The following AKT1 variants were observed in gnomAD, a reference collection of about 807,000 sequenced individuals.
AKT1 encodes the protein AKT serine/threonine kinase 1.
AKT1 carries 21 observed loss-of-function variants against 63.1 expected under a neutral mutation model. The ratio of observed to expected loss-of-function variants is 0.33; its 90% confidence interval spans 0.24 to 0.48. The LOEUF (loss-of-function observed/expected upper bound fraction) is 0.48. AKT1 is among the 20% of genes least tolerant of loss of function. The pLI is 0.99. For missense variants in AKT1, 382 were observed against 666.0 expected (o/e 0.57, Z 4.69); for synonymous variants, 257 against 253.1 (o/e 1.02, Z -0.15).
intron 3 of AKT1, among the ~76,000 whole-genome samples, chr14:104,787,441 G>A (rs1893392196): frequency 6.6e-6 from 1 of 152,172 alleles, no homozygotes; most frequent in Non-Finnish European, 1.5e-5. Context: ...GGCCTGGGGA[G>A]CAGGCCCAGA....
At chr14:104,785,277 C>T (rs1893275837) in intron 3 of AKT1, among the ~76,000 whole-genome samples, 1 of 152,174 alleles carries the variant, frequency 6.6e-6, no homozygotes, top group African/African-American at 2.4e-5. Flanking sequence ...TCTGCCCGGG[C>T]CCGGGAGTAC....
At chr14:104,774,253 A>G (rs1892584433) in intron 8 of AKT1, 1 of 500,220 alleles carries the variant, frequency 2.0e-6, no homozygotes, top group Admixed American at 3.2e-5. Flanking sequence ...GCCCCACACC[A>G]CACTGCCTCA....
At chr14:104,774,199 CCCA>C (rs1892577864) in intron 8 of AKT1, 3 of 583,986 alleles carry the variant, frequency 5.1e-6, no homozygotes, top group East Asian at 2.9e-5. Context: ...ACCATACACC[CCCA>C]CATCACACTG....
chr14:104,780,298 C>A (rs2140951166), intron 3 of AKT1, 82 bp from the exon 4 acceptor site: 1 of 1,555,700 alleles, frequency 6.4e-7, no homozygotes, highest in Non-Finnish European at 8.7e-7. Context: ...ACTGGGTGTG[C>A]CAGGACAGAT....
In AKT1 at chr14:104,773,035, T is replaced by C; in HGVS notation, c.1015A>G (p.Met339Val). 6.2e-7 allele frequency: 1 copy of C among 1,614,140 alleles called. No individual in the cohort carries two copies. Among genetic ancestry groups the C allele is most frequent in the Non-Finnish European group, 8.5e-7 (1 of 1,180,014 alleles). ...AVDWWGLGVV[M>V]YEMMCGRLPF... The stretch of plus-strand genomic sequence containing the variant: ...AGGCGACCGCACATCATCTCGTACA[T>C]GACCACGCCCAGCCCCCACCAGTCC... Residue 339 changes from methionine to valine, a missense_variant, in exon 12 of 15, where the codon ATG becomes GTG. Met to Val is a conservative substitution (Grantham distance 21). Transcript: ENST00000649815.
chr14:104,772,565 G>T, intron 12 of AKT1, 113 bp from the exon 13 acceptor site: 1 of 1,076,286 alleles, frequency 9.3e-7, no homozygotes. Context: ...TCCGGGGCCA[G>T]GGAGGGGAGC....
intron 13 of AKT1, chr14:104,771,789 G>C: frequency 4.2e-6 from 1 of 237,658 alleles, no homozygotes. Context: ...CCCATCAGCT[G>C]GGGTGATGGC....
At chr14:104,791,003 C>A (rs1309283280) in intron 3 of AKT1, among the ~76,000 whole-genome samples, 2 of 152,186 alleles carry the variant, frequency 1.3e-5, no homozygotes, top group Admixed American at 6.5e-5. Context: ...CTGCCAGGCC[C>A]CTCCTGAAGG....
In AKT1 at chr14:104,774,764, C is replaced by T. The variant is rs769482989; in HGVS notation, c.633+174G>A. On this transcript the variant is annotated intron_variant, in intron 8 of 14. Transcript: ENST00000649815. ...AGCAGCGAGCACAGCCCCTAGCCCACACTGGGCACCTCCACAGCCTGACCC... is the reference window on the plus strand; with the variant it reads ...AGCAGCGAGCACAGCCCCTAGCCCATACTGGGCACCTCCACAGCCTGACCC... 9 of 717,106 alleles carry T rather than the reference C, an allele frequency of 1.3e-5. No homozygotes were observed. In the East Asian group the frequency reaches 1.6e-4, roughly 13 times the overall value. 44.4% of individuals were successfully genotyped at this position (717,106 alleles called of 1,614,324 possible). A position where few individuals can be genotyped will look rare whatever the true frequency, so the allele number is the denominator to read the frequency against.
chr14:104,782,779 G>T (rs1334627175), intron 3 of AKT1, among the ~76,000 whole-genome samples: 1 of 152,164 alleles, frequency 6.6e-6, no homozygotes, highest in Non-Finnish European at 1.5e-5. Flanking sequence ...CCAGCACACA[G>T]ACCCCTCCAG....
intron 14 of AKT1, 97 bp from the exon 15 acceptor site, chr14:104,770,517 C>T: frequency 8.1e-7 from 1 of 1,235,488 alleles, no homozygotes; most frequent in Middle Eastern, 2.7e-4. Context: ...AAAGCACGGC[C>T]AGCACGCTGC....
chr14:104,785,988 C>A lies in AKT1; in HGVS notation c.47-5772G>T, dbSNP rs534114029. ...CCACCTGGGCCTGGATGTCCTCCCCCACAGGCACTGCCCGTCACCCACCCC... is the reference window on the plus strand; with the variant it reads ...CCACCTGGGCCTGGATGTCCTCCCCAACAGGCACTGCCCGTCACCCACCCC... On this transcript the variant is annotated intron_variant, in intron 3 of 14. Transcript: ENST00000649815. Among the ~76,000 whole-genome samples, 30 of 152,226 alleles carry A rather than the reference C, an allele frequency of 2.0e-4. 1 individual carries two copies. The highest frequency in any genetic ancestry group is 6.5e-4 in the African/African-American group (27 of 41,532).
At position 104,780,233 on chromosome 14, in the gene AKT1, G is replaced by A. The variant is rs2140950289; in HGVS notation, c.47-17C>T. The A allele has an allele frequency of 6.2e-7, 1 of 1,612,288 alleles. No homozygotes were observed. The highest frequency in any genetic ancestry group is 1.1e-5 in the South Asian group (1 of 90,958). ...TGTACTCCCCTACAGACGTGCGGGT[G>A]GTGAGAGCCACGCACACTCTACCCG... On this transcript the variant is annotated splice_polypyrimidine_tract_variant and intron_variant, in intron 3 of 14. Coordinates refer to ENST00000649815, the MANE Select transcript of AKT1 (RefSeq NM_001382430.1).
At position 104,770,123 on chromosome 14, in the gene AKT1, A is replaced by C. The variant is rs1025741767; in HGVS notation, c.*218T>G. On this transcript the variant is annotated 3_prime_UTR_variant, in exon 15 of 15. Coordinates refer to ENST00000649815, the MANE Select transcript of AKT1 (RefSeq NM_001382430.1). ...AGGCCACACCCGGAGAACAAACTGGATGAAATAAATTAAAACCCGCAGGAT... is the reference window on the plus strand; with the variant it reads ...AGGCCACACCCGGAGAACAAACTGGCTGAAATAAATTAAAACCCGCAGGAT... The C allele has an allele frequency of 3.3e-6, 2 of 603,042 alleles. No individual in the cohort carries two copies. Among genetic ancestry groups the C allele is most frequent in the Non-Finnish European group, 5.9e-6 (2 of 337,228 alleles). The allele number at this position is 603,042 out of a possible 1,614,324, so 37.4% of individuals were successfully genotyped here. A position where few individuals can be genotyped will look rare whatever the true frequency, so the allele number is the denominator to read the frequency against.
At chr14:104,780,479 C>G (rs896137841) in intron 3 of AKT1, among the ~76,000 whole-genome samples, 1 of 152,304 alleles carries the variant, frequency 6.6e-6, no homozygotes, top group South Asian at 2.1e-4. Context: ...GCCAGCTGGA[C>G]GCAGGGGATG....
At chr14:104,782,582 G>T (rs1393692799) in intron 3 of AKT1, among the ~76,000 whole-genome samples, 2 of 152,180 alleles carry the variant, frequency 1.3e-5, no homozygotes, top group East Asian at 3.8e-4. Context: ...GGAGAGGACA[G>T]GTGCCCAGCC....
chr14:104,770,107 C>A lies in AKT1; in HGVS notation c.*234G>T, dbSNP rs1892290126. The A allele has an allele frequency of 3.4e-6, 2 of 589,748 alleles. No homozygotes were observed. 36.5% of individuals were successfully genotyped at this position (589,748 alleles called of 1,614,324 possible). A position where few individuals can be genotyped will look rare whatever the true frequency, so the allele number is the denominator to read the frequency against. On this transcript the variant is annotated 3_prime_UTR_variant, in exon 15 of 15. Coordinates refer to ENST00000649815, the MANE Select transcript of AKT1 (RefSeq NM_001382430.1). Reference sequence around the variant, plus strand: ...ATTGTTCTGAGGGCTGAGGCCACACCCGGAGAACAAACTGGATGAAATAAA... The same window carrying A: ...ATTGTTCTGAGGGCTGAGGCCACACACGGAGAACAAACTGGATGAAATAAA...
intron 13 of AKT1, 172 bp downstream of exon 13, chr14:104,772,193 G>A: frequency 1.4e-6 from 1 of 693,776 alleles, no homozygotes; most frequent in African/African-American, 1.8e-5. Flanking sequence ...CAGAGCCTCT[G>A]AGCACCAGGC....
At position 104,786,006 on chromosome 14, in the gene AKT1, C is replaced by T. The variant is rs61759786; in HGVS notation, c.47-5790G>A. Among the ~76,000 whole-genome samples the T allele has an allele frequency of 2.3e-3, 349 of 152,222 alleles. 1 individual carries two copies. Among genetic ancestry groups the T allele is most frequent in the African/African-American group, 8.0e-3 (333 of 41,532 alleles). On this transcript the variant is annotated intron_variant, in intron 3 of 14. Transcript: ENST00000649815. ...CCTCCCCCACAGGCACTGCCCGTCACCCACCCCTCGGGCCGGCAAAGGCAC... is the reference window on the plus strand; with the variant it reads ...CCTCCCCCACAGGCACTGCCCGTCATCCACCCCTCGGGCCGGCAAAGGCAC...
Sources: gnomAD v4.1 joint callset for allele counts (sites outside exome capture counted in the v4.1 genomes callset) on GRCh38, gnomAD v4.1.1 for gene constraint, MANE v1.5 for transcripts, NCBI Gene and HGNC (gene_info 2026-07-23, HGNC 2026-07-21) for gene names.